Variants in SERPINA12 observed in about 807,000 individuals in gnomAD.
The protein encoded by SERPINA12 is serpin A12.
Under a neutral mutation model 25.9 loss-of-function variants are expected in SERPINA12, and 21 were observed. The ratio of observed to expected loss-of-function variants is 0.81; its 90% CI spans 0.58 to 1.17. The LOEUF (loss-of-function observed/expected upper bound fraction) is 1.17. Ranked by LOEUF, SERPINA12 falls within the 50% of genes most tolerant of loss-of-function variation. SERPINA12 has a pLI of 0.00. For missense variants in SERPINA12, 562 were observed against 508.3 expected (o/e 1.11, Z -1.02); for synonymous variants, 220 against 196.0 (o/e 1.12, Z -1.02).
At position 94,487,503 on chromosome 14, in the gene SERPINA12, G is replaced by A. The variant is rs1899954743; in HGVS notation, c.1054-9C>T. Reference sequence around the variant, plus strand: ...TCAGCCTTGTGCACAGCCTACGGAAGCCAAGGGCAAAGTCAAGGTCTGCCA... The same window carrying A: ...TCAGCCTTGTGCACAGCCTACGGAAACCAAGGGCAAAGTCAAGGTCTGCCA... On this transcript the variant is annotated splice_polypyrimidine_tract_variant and intron_variant, in intron 4 of 4. Coordinates refer to ENST00000677451, the MANE Select transcript of SERPINA12 (RefSeq NM_001382267.1). The A allele has an allele frequency of 1.9e-5, 31 of 1,595,366 alleles. No individual in the cohort carries two copies. Among genetic ancestry groups the A allele is most frequent in the Non-Finnish European group, 2.6e-5 (31 of 1,171,032 alleles).
rs757746431 is a variant in SERPINA12 at position 94,489,757 on chromosome 14, C to T, written c.916G>A (p.Val306Met). 9.3e-6 allele frequency: 15 copies of T among 1,613,972 alleles called. No individual in the cohort carries two copies. The highest frequency in any genetic ancestry group is 3.3e-5 in the Admixed American group (2 of 60,004). Reference sequence around the variant, plus strand: ...GTCATGTGGAGTCTGGGTACAGACACGTCTACGACCCTGGGGAATTGACAC... The same window carrying T: ...GTCATGTGGAGTCTGGGTACAGACATGTCTACGACCCTGGGGAATTGACAC... ...KTLLSRRVVD[V>M]SVPRLHMTGT... Residue 306 changes from valine to methionine, a missense_variant, in exon 4 of 5, where the codon GTG becomes ATG. Transcript: ENST00000677451.
chr14:94,488,352 A>G (rs1899990085), intron 4 of SERPINA12, among the ~76,000 whole-genome samples: 1 of 151,814 alleles, frequency 6.6e-6, no homozygotes, highest in Non-Finnish European at 1.5e-5. Flanking sequence ...CTTTATCTCC[A>G]CTAAGCACCC....
At chr14:94,503,422 C>A (rs111762633) in intron 1 of SERPINA12, 9 of 539,802 alleles carry the variant, frequency 1.7e-5, no homozygotes, top group African/African-American at 1.7e-4. Flanking sequence ...AGAGCAATGC[C>A]CAGGAAATGG....
intron 1 of SERPINA12, among the ~76,000 whole-genome samples, chr14:94,516,447 C>T (rs1281462340): frequency 1.3e-5 from 2 of 152,202 alleles, no homozygotes; most frequent in Non-Finnish European, 2.9e-5. Flanking sequence ...ACCTGGAGAA[C>T]TGAAGGAGGA....
chr14:94,495,235 AT>A (rs1200718623), intron 3 of SERPINA12, among the ~76,000 whole-genome samples: 4 of 150,424 alleles, frequency 2.7e-5, no homozygotes, highest in East Asian at 2.0e-4. Flanking sequence ...CGCCCGGCTA[AT>A]TTTTTGTATT....
intron 1 of SERPINA12, among the ~76,000 whole-genome samples, chr14:94,507,999 A>G (rs1203039011): frequency 6.6e-6 from 1 of 152,238 alleles, no homozygotes; most frequent in Non-Finnish European, 1.5e-5. Flanking sequence ...ACCATCCCAG[A>G]TCATACTTTG....
chr14:94,488,425 C>G (rs911616585), intron 4 of SERPINA12, among the ~76,000 whole-genome samples: 1 of 151,810 alleles, frequency 6.6e-6, no homozygotes, highest in Non-Finnish European at 1.5e-5. Flanking sequence ...CACTGCTGCA[C>G]CCATCCCCGC....
intron 3 of SERPINA12, among the ~76,000 whole-genome samples, chr14:94,490,871 C>T (rs1003348176): frequency 2.0e-5 from 3 of 152,162 alleles, no homozygotes; most frequent in African/African-American, 4.8e-5. Context: ...CCCCTTGAGG[C>T]TTCTCCTCCT....
At chr14:94,489,207 AAGAG>A (rs150002710) in intron 4 of SERPINA12, among the ~76,000 whole-genome samples, 14,070 of 151,438 alleles carry the variant, frequency 0.093, 779 homozygotes, top group Middle Eastern at 0.16. Flanking sequence ...AAAAGAAAGA[AAGAG>A]AGAAAGAGAG....
chr14:94,513,439 T>C (rs1017973988), upstream of SERPINA12, among the ~76,000 whole-genome samples: 9 of 152,120 alleles, frequency 5.9e-5, no homozygotes, highest in Non-Finnish European at 1.2e-4. Flanking sequence ...TATAGAGAAT[T>C]CTATGTAGAG....
At chr14:94,510,693 T>C (rs959719779), upstream of SERPINA12, among the ~76,000 whole-genome samples, 2 of 152,160 alleles carry the variant, frequency 1.3e-5, no homozygotes, top group African/African-American at 4.8e-5. Context: ...GGAACCAACC[T>C]AAGTGCCCAT....
chr14:94,507,073 AAACAAC>A (rs200737035), intron 1 of SERPINA12, among the ~76,000 whole-genome samples: 1 of 152,194 alleles, frequency 6.6e-6, no homozygotes, highest in South Asian at 2.1e-4. Flanking sequence ...TGAATGATGA[AAACAAC>A]AACAACAACA....
At position 94,514,779 on chromosome 14, in the gene SERPINA12, C is replaced by T. The variant is rs148394854; in HGVS notation, c.-18+1041G>A. Among the ~76,000 whole-genome samples the T allele has an allele frequency of 4.0e-3, 602 of 152,212 alleles. 5 individuals carry two copies. The highest frequency in any genetic ancestry group is 0.014 in the African/African-American group (579 of 41,526). On this transcript the variant is annotated intron_variant, in intron 2 of 5. Coordinates refer to the SERPINA12 transcript ENST00000341228. ...GGCCAGAGGTAGGCAGGTGGTGGGG[C>T]TTTGAGTCTGTAGTTATTTGACTCA...
Position 94,487,503 on chromosome 14 carries a change from G to C in SERPINA12, c.1054-9C>G. 6.3e-7 allele frequency: 1 copy of C among 1,595,368 alleles called. No homozygotes were observed. The highest frequency in any genetic ancestry group is 8.5e-7 in the Non-Finnish European group (1 of 1,171,034). ...TCAGCCTTGTGCACAGCCTACGGAA[G>C]CCAAGGGCAAAGTCAAGGTCTGCCA... On this transcript the variant is annotated splice_polypyrimidine_tract_variant and intron_variant, in intron 4 of 4. Coordinates refer to ENST00000677451, the MANE Select transcript of SERPINA12 (RefSeq NM_001382267.1).
At chr14:94,497,131 A>G (rs1900462868) in intron 2 of SERPINA12, among the ~76,000 whole-genome samples, 1 of 152,194 alleles carries the variant, frequency 6.6e-6, no homozygotes, top group African/African-American at 2.4e-5. Flanking sequence ...ATTTTGGCCA[A>G]CCTGTTTGTG....
intron 1 of SERPINA12, 119 bp from the exon 2 acceptor site, chr14:94,498,549 T>C (rs922011166): frequency 2.6e-6 from 2 of 774,704 alleles, no homozygotes; most frequent in African/African-American, 1.7e-5. Flanking sequence ...AGTTTATGAG[T>C]GCTTTGACCC....
upstream of SERPINA12, chr14:94,511,592 C>T (rs1566816433): frequency 1.0e-6 from 1 of 985,396 alleles, no homozygotes; most frequent in Non-Finnish European, 1.2e-6. Flanking sequence ...GAACCGACAC[C>T]ACCTTCAGTT....
chr14:94,502,785 C>T (rs1400961367), intron 1 of SERPINA12, among the ~76,000 whole-genome samples: 3 of 152,218 alleles, frequency 2.0e-5, no homozygotes, highest in South Asian at 2.1e-4. Context: ...ACCAACAGAG[C>T]GAGCTTCAGG....
At chr14:94,511,613 G>A (rs1201732198), upstream of SERPINA12, 3 of 985,262 alleles carry the variant, frequency 3.0e-6, no homozygotes, top group Non-Finnish European at 3.6e-6. Context: ...TTCCATCTCT[G>A]AGCCATTCGA....
Sources: allele counts gnomAD v4.1 joint callset (sites outside exome capture counted in the v4.1 genomes callset), GRCh38; gene constraint gnomAD v4.1.1; transcripts MANE v1.5; gene names NCBI Gene and HGNC (gene_info 2026-07-23, HGNC 2026-07-21).